Variants in TRIM36 observed in about 807,000 individuals in gnomAD.
TRIM36 encodes tripartite motif containing 36.
Under a neutral mutation model 72.4 loss-of-function variants are expected in TRIM36, and 42 were observed. That is an observed-to-expected ratio of 0.58 (90% CI 0.45 to 0.75). The LOEUF (loss-of-function observed/expected upper bound fraction) is 0.75. Among genes scored for constraint, TRIM36 ranks in the 30% least tolerant of loss-of-function variants. TRIM36 has a pLI of 0.00. For synonymous variants in TRIM36, 315 were observed against 282.8 expected (o/e 1.11, Z -1.14); for missense variants, 913 against 857.1 (o/e 1.07, Z -0.81).
intron 3 of TRIM36, among the ~76,000 whole-genome samples, chr5:115,146,595 T>C (rs1580668826): frequency 6.6e-6 from 1 of 152,198 alleles, no homozygotes; most frequent in South Asian, 2.1e-4. Context: ...AGATAACATA[T>C]AACCATTATA....
upstream of TRIM36, chr5:115,170,041 G>GT: frequency 1.1e-5 from 10 of 949,608 alleles, no homozygotes; most frequent in Non-Finnish European, 1.1e-5. Context: ...GGTAGGCCGG[G>GT]TGTCTGAGTG....
rs1325026509 is a variant in TRIM36, at chr5:115,130,486, G to C, written c.1796+106C>G. On this transcript the variant is annotated intron_variant, in intron 9 of 9. Transcript: ENST00000513154. ...CAATCAAGCCACAGCCAAAATACTAGAATCTAAGAAATAAGAAATGTATAC... is the reference window on the plus strand; with the variant it reads ...CAATCAAGCCACAGCCAAAATACTACAATCTAAGAAATAAGAAATGTATAC... 3 of 1,305,168 alleles carry C rather than the reference G, an allele frequency of 2.3e-6. No individual in the cohort carries two copies. In the South Asian group the frequency reaches 4.7e-5, roughly 20 times the overall value. The allele number at this position is 1,305,168 out of a possible 1,614,324, so 80.8% of individuals were successfully genotyped here. A position where few individuals can be genotyped will look rare whatever the true frequency, so the allele number is the denominator to read the frequency against.
In TRIM36 at chr5:115,141,314, T is replaced by A. The variant is rs778620454; in HGVS notation, c.796A>T (p.Ile266Leu). Reference protein sequence around the residue: ...IGKESQVKSQISELNLLMKET... With the variant: ...IGKESQVKSQLSELNLLMKET... ...TTCATTAACAAGTTTAGTTCAGATA[T>A]TTGACTCTTCACCTGGCTTTCCTTA... Residue 266 changes from isoleucine (I) to leucine (L), a missense_variant, in exon 5 of 10, where the codon ATA (isoleucine) becomes TTA (leucine). Coordinates refer to ENST00000513154, the MANE Select transcript of TRIM36 (RefSeq NM_001300759.2). 10 of 1,606,408 alleles carry A rather than the reference T, an allele frequency of 6.2e-6. No homozygotes were observed. The South Asian group carries it at 1.1e-4, about 18-fold the overall frequency.
intron 2 of TRIM36, among the ~76,000 whole-genome samples, chr5:115,151,139 C>G (rs565999091): frequency 6.6e-6 from 1 of 152,182 alleles, no homozygotes; most frequent in Non-Finnish European, 1.5e-5. Flanking sequence ...GGGGCAAGTT[C>G]TCAGCCCTGC....
chr5:115,142,758 T>C lies in TRIM36; in HGVS notation c.736-1384A>G, dbSNP rs532469912. Among the ~76,000 whole-genome samples, 5 of 152,254 alleles carry C rather than the reference T, an allele frequency of 3.3e-5. No homozygotes were observed. The South Asian group carries it at 6.2e-4, about 19-fold the overall frequency. ...AAGTATATGTACCACACACTGAAAA[T>C]AGGCATTGAAGATTAAAATGTAAAA... On this transcript the variant is annotated intron_variant, in intron 4 of 9. Coordinates refer to ENST00000513154, the MANE Select transcript of TRIM36 (RefSeq NM_001300759.2).
chr5:115,141,646 C>T (rs6594876), intron 4 of TRIM36, among the ~76,000 whole-genome samples: 70,421 of 151,942 alleles, frequency 0.46, 16,972 homozygotes, highest in East Asian at 0.66. Context: ...AATATAAAAA[C>T]AGTACATTTT....
At chr5:115,148,434 T>A (rs907198115) in intron 2 of TRIM36, 2 of 834,434 alleles carry the variant, frequency 2.4e-6, no homozygotes, top group Non-Finnish European at 2.9e-6. Flanking sequence ...TTTTTTTTTT[T>A]TTTTAGATGG....
chr5:115,173,543 T>TGTGC (rs367927273), upstream of TRIM36, among the ~76,000 whole-genome samples: 1,900 of 151,920 alleles, frequency 0.013, 35 homozygotes, highest in African/African-American at 0.042. Flanking sequence ...TGTGTGTGTG[T>TGTGC]GCGCGCACGC....
intron 9 of TRIM36, among the ~76,000 whole-genome samples, chr5:115,127,771 C>T (rs912109874): frequency 1.3e-5 from 2 of 152,058 alleles, no homozygotes; most frequent in African/African-American, 4.8e-5. Flanking sequence ...TTATGCAATG[C>T]TTTTATTGTT....
At position 115,144,643 on chromosome 5, in the gene TRIM36, G is replaced by A; in HGVS notation, c.690C>T (p.Ala230=). 1 of 1,614,090 alleles carries A rather than the reference G, an allele frequency of 6.2e-7. No individual in the cohort carries two copies. Among genetic ancestry groups the A allele is most frequent in the Non-Finnish European group, 8.5e-7 (1 of 1,180,006 alleles). The change falls in exon 4 of 10, where the codon GCC becomes GCT. Residue 230 remains alanine (A), a synonymous_variant. Transcript: ENST00000513154. The part of the protein sequence containing the change: ...CHLCKLGGNH[A]NHRVTTMSSA... ...TGCTCATAGTGGTTACACGGTGGTT[G>A]GCATGATTACCACCCAACTTACACA...
intron 9 of TRIM36, among the ~76,000 whole-genome samples, chr5:115,128,490 C>T (rs1047728144): frequency 4.6e-5 from 7 of 151,516 alleles, no homozygotes; most frequent in Non-Finnish European, 7.4e-5. Flanking sequence ...CGGTGGCTCA[C>T]GCCTGTAATC....
intron 8 of TRIM36, 29 bp from the exon 9 acceptor site, chr5:115,130,918 C>T (rs767737008): frequency 1.3e-6 from 2 of 1,581,420 alleles, no homozygotes; most frequent in South Asian, 1.1e-5. Flanking sequence ...TAATATCAGG[C>T]TAAAAATTAT....
At chr5:115,175,691 AT>A (rs552131684) in intron 1 of TRIM36, among the ~76,000 whole-genome samples, 18 of 152,074 alleles carry the variant, frequency 1.2e-4, no homozygotes, top group East Asian at 7.7e-4. Context: ...GTAAAAAAAA[AT>A]AAGAGGAAAA....
At chr5:115,128,580 G>A (rs1308956346) in intron 9 of TRIM36, among the ~76,000 whole-genome samples, 45 of 145,044 alleles carry the variant, frequency 3.1e-4, no homozygotes, top group African/African-American at 1.1e-3. Context: ...GTGAAACCCC[G>A]TCTCTACTAA....
At position 115,141,391 on chromosome 5, in the gene TRIM36, G is replaced by A. The variant is rs754910418; in HGVS notation, c.736-17C>T. Reference sequence around the variant, plus strand: ...AAGCTTTTCCTGTTGAAACATATTCGTAACACAAATAGACAAAACGGGAGT... The same window carrying A: ...AAGCTTTTCCTGTTGAAACATATTCATAACACAAATAGACAAAACGGGAGT... On this transcript the variant is annotated splice_polypyrimidine_tract_variant and intron_variant, in intron 4 of 9. Coordinates refer to ENST00000513154, the MANE Select transcript of TRIM36 (RefSeq NM_001300759.2). 2.3e-5 allele frequency: 36 copies of A among 1,552,068 alleles called. No homozygotes were observed. Among genetic ancestry groups the A allele is most frequent in the Middle Eastern group, 3.4e-4 (2 of 5,894 alleles).
chr5:115,170,520 C>T (rs1016331686), upstream of TRIM36, among the ~76,000 whole-genome samples: 1 of 152,116 alleles, frequency 6.6e-6, no homozygotes, highest in Non-Finnish European at 1.5e-5. Flanking sequence ...CCTAGCCAGG[C>T]GCGGCCTGGG....
rs544005486 is a variant in TRIM36 at position 115,178,613 on chromosome 5, T to G, written c.63+1362A>C. Among the ~76,000 whole-genome samples, 3 of 152,312 alleles carry G rather than the reference T, an allele frequency of 2.0e-5. No individual in the cohort carries two copies. The South Asian group carries it at 6.2e-4, about 32-fold the overall frequency. On this transcript the variant is annotated intron_variant, in intron 1 of 9. Coordinates refer to the TRIM36 transcript ENST00000282369. ...GGGGCGACAAAGAGCTCGGATATAC[T>G]GGACAGTGTGTGCTGAAGGCCCCTT...
At chr5:115,159,632 A>T (rs1397011715) in intron 2 of TRIM36, 1 of 454,102 alleles carries the variant, frequency 2.2e-6, no homozygotes, top group South Asian at 1.6e-5. Flanking sequence ...GCAATAAAAC[A>T]TTTTCTACCT....
chr5:115,128,504 G>A (rs1752476166), intron 9 of TRIM36, among the ~76,000 whole-genome samples: 1 of 151,758 alleles, frequency 6.6e-6, no homozygotes, highest in Non-Finnish European at 1.5e-5. Flanking sequence ...TGTAATCCCA[G>A]CACTTTGGGA....
Sources: allele counts gnomAD v4.1 joint callset (sites outside exome capture counted in the v4.1 genomes callset), GRCh38; gene constraint gnomAD v4.1.1; transcripts MANE v1.5; gene names NCBI Gene and HGNC (gene_info 2026-07-23, HGNC 2026-07-21).